PCDH15: variants seen among roughly 807,000 people sequenced by gnomAD.
The protein encoded by PCDH15 is protocadherin-15.
Under a neutral mutation model 178.5 loss-of-function variants are expected in PCDH15, and 129 were observed. That is an observed-to-expected ratio of 0.72 (90% CI 0.63 to 0.84). The LOEUF is 0.84. PCDH15 is among the 40% of genes least tolerant of loss of function. The pLI, the probability that PCDH15 is intolerant of heterozygous loss-of-function variation, is 0.00. For missense variants in PCDH15, 2,230 were observed against 2,099.9 expected (o/e 1.06, Z -1.21); for synonymous variants, 800 against 732.0 (o/e 1.09, Z -1.50).
intron 8 of PCDH15, among the ~76,000 whole-genome samples, chr10:54,269,020 A>C: frequency 6.6e-6 from 1 of 151,922 alleles, no homozygotes; most frequent in East Asian, 1.9e-4. Context: ...TCCTACATTT[A>C]ATCTGAATGT....
chr10:55,431,262 G>A (rs1334677004), intron 2 of PCDH15, among the ~76,000 whole-genome samples: 1 of 152,132 alleles, frequency 6.6e-6, no homozygotes, highest in Non-Finnish European at 1.5e-5. Flanking sequence ...CTATCTTCTT[G>A]AATGAAATGA....
At chr10:54,873,668 T>C (rs905502830) in intron 3 of PCDH15, among the ~76,000 whole-genome samples, 9 of 144,004 alleles carry the variant, frequency 6.2e-5, no homozygotes, top group Admixed American at 5.7e-4. Context: ...AGTTTTGTGA[T>C]AAAAAATCTG....
chr10:54,285,850 T>C (rs1001331437), intron 8 of PCDH15, among the ~76,000 whole-genome samples: 8 of 152,162 alleles, frequency 5.3e-5, no homozygotes, highest in African/African-American at 1.7e-4. Flanking sequence ...ATAAAGAAAA[T>C]GTGGTATATA....
intron 4 of PCDH15, among the ~76,000 whole-genome samples, chr10:54,378,151 C>T (rs1422109911): frequency 1.3e-5 from 2 of 151,958 alleles, no homozygotes; most frequent in African/African-American, 4.8e-5. Flanking sequence ...ACTCAAACTC[C>T]TGGGCTCAAG....
Position 54,608,284 on chromosome 10 carries a change from A to G in PCDH15, c.91+55888T>C, listed in dbSNP as rs898238314. Among the ~76,000 whole-genome samples the G allele has an allele frequency of 3.3e-5, 5 of 151,570 alleles. No homozygotes were observed. In the South Asian group the frequency reaches 6.2e-4, roughly 19 times the overall value. On this transcript the variant is annotated intron_variant, in intron 2 of 37. Coordinates refer to ENST00000644397, the MANE Select transcript of PCDH15 (RefSeq NM_001384140.1). ...GGAGTTTAGGACGAGCATGGGCAAC[A>G]TGACAAAAACTTATCTCTACCAAAA...
At chr10:53,921,579 C>G (rs2084000280) in intron 25 of PCDH15, among the ~76,000 whole-genome samples, 1 of 152,106 alleles carries the variant, frequency 6.6e-6, no homozygotes, top group Admixed American at 6.5e-5. Flanking sequence ...GATTCTCTCA[C>G]CTTCAGATGT....
intron 15 of PCDH15, among the ~76,000 whole-genome samples, chr10:54,117,272 TA>T (rs1263496849): frequency 2.2e-5 from 3 of 136,566 alleles, no homozygotes; most frequent in East Asian, 4.0e-4. Flanking sequence ...CAGGTGCCAG[TA>T]TAGGAGGAAG....
chr10:53,812,543 G>T (rs985005359), intron 35 of PCDH15, among the ~76,000 whole-genome samples: 1 of 152,060 alleles, frequency 6.6e-6, no homozygotes, highest in Non-Finnish European at 1.5e-5. Flanking sequence ...AGGAAAAAAA[G>T]AATTTGTTAG....
At chr10:55,623,670 A>G (rs915286010) in intron 2 of PCDH15, among the ~76,000 whole-genome samples, 2 of 151,416 alleles carry the variant, frequency 1.3e-5, no homozygotes, top group African/African-American at 4.9e-5. Flanking sequence ...TATGATTTTC[A>G]TCAGAGCACA....
intron 2 of PCDH15, among the ~76,000 whole-genome samples, chr10:55,601,900 T>C (rs1843089303): frequency 6.6e-6 from 1 of 151,908 alleles, no homozygotes; most frequent in Non-Finnish European, 1.5e-5. Context: ...GATGGCCAAA[T>C]AGGAACAGCT....
intron 8 of PCDH15, among the ~76,000 whole-genome samples, chr10:54,277,489 G>A (rs898811719): frequency 6.6e-6 from 1 of 151,550 alleles, no homozygotes; most frequent in Non-Finnish European, 1.5e-5. Context: ...AAAATTGCAA[G>A]GCATTCAGTT....
intron 8 of PCDH15, among the ~76,000 whole-genome samples, chr10:54,239,137 C>A (rs1293100610): frequency 6.6e-6 from 1 of 151,984 alleles, no homozygotes; most frequent in Non-Finnish European, 1.5e-5. Flanking sequence ...GTAAGCAAAT[C>A]ACAATATTTG....
chr10:54,746,607 C>A (rs1451808905), intron 1 of PCDH15, among the ~76,000 whole-genome samples: 1 of 151,958 alleles, frequency 6.6e-6, no homozygotes, highest in Non-Finnish European at 1.5e-5. Context: ...TATTATGTAT[C>A]CACAAAAATT....
chr10:54,077,677 C>T (rs984703887), intron 17 of PCDH15, among the ~76,000 whole-genome samples: 1 of 152,150 alleles, frequency 6.6e-6, no homozygotes, highest in Non-Finnish European at 1.5e-5. Flanking sequence ...GAGTTACCCT[C>T]TAAACTTTCA....
At chr10:54,076,426 A>C (rs1010816290) in intron 17 of PCDH15, among the ~76,000 whole-genome samples, 3 of 152,076 alleles carry the variant, frequency 2.0e-5, no homozygotes, top group African/African-American at 7.2e-5. Flanking sequence ...AACAGAGATA[A>C]CTTTACTTCT....
chr10:54,547,497 T>A lies in PCDH15; in HGVS notation c.92-19620A>T, dbSNP rs552649665. Reference sequence around the variant, plus strand: ...TATAAATCTTCTGTGTGCACTTTGATAGACTTTTGCAAGTTTTAGGGCTGT... The same window carrying A: ...TATAAATCTTCTGTGTGCACTTTGAAAGACTTTTGCAAGTTTTAGGGCTGT... On this transcript the variant is annotated intron_variant, in intron 2 of 37. Coordinates refer to ENST00000644397, the MANE Select transcript of PCDH15 (RefSeq NM_001384140.1). Among the ~76,000 whole-genome samples the A allele has an allele frequency of 7.9e-5, 12 of 152,292 alleles. No homozygotes were observed. In the South Asian group the frequency reaches 2.1e-3, roughly 26 times the overall value.
At chr10:55,192,278 A>T (rs937075620) in intron 1 of PCDH15, among the ~76,000 whole-genome samples, 10 of 151,882 alleles carry the variant, frequency 6.6e-5, no homozygotes, top group Non-Finnish European at 1.2e-4. Context: ...ATACAGTGCC[A>T]TTCTCCAGAT....
upstream of PCDH15, among the ~76,000 whole-genome samples, chr10:55,320,200 T>G (rs985631552): frequency 7.9e-5 from 12 of 152,306 alleles, no homozygotes; most frequent in East Asian, 1.9e-3. Flanking sequence ...AGGTGCTGTG[T>G]GTGCTTGGAC....
chr10:55,059,421 A>T (rs1841378622), intron 2 of PCDH15, among the ~76,000 whole-genome samples: 1 of 152,212 alleles, frequency 6.6e-6, no homozygotes, highest in African/African-American at 2.4e-5. Flanking sequence ...GTTATTATCT[A>T]ACAAATGGAC....
Sources: gnomAD v4.1 joint callset for allele counts (sites outside exome capture counted in the v4.1 genomes callset) on GRCh38, gnomAD v4.1.1 for gene constraint, MANE v1.5 for transcripts, NCBI Gene and HGNC (gene_info 2026-07-23, HGNC 2026-07-21) for gene names.